STX3: variants seen among roughly 807,000 people sequenced by gnomAD.
STX3 encodes the protein syntaxin-3.
A neutral mutation model predicts 40.2 loss-of-function variants in STX3; 19 were observed. The observed-to-expected ratio is 0.47, with a 90% CI of 0.33 to 0.69. The LOEUF is 0.69. Among genes scored for constraint, STX3 ranks in the 30% least tolerant of loss-of-function variants. STX3 has a pLI of 0.02. For synonymous variants in STX3, 122 were observed against 132.2 expected, an observed-to-expected ratio of 0.92 and a Z score of 0.53; for missense variants, 364 against 366.7, an observed-to-expected ratio of 0.99 and a Z score of 0.06.
At chr11:59,795,923 A>G (rs7131059) in intron 9 of STX3, among the ~76,000 whole-genome samples, 15,791 of 152,000 alleles carry the variant, frequency 0.1, 1,143 homozygotes, top group African/African-American at 0.2. Context: ...ATCTCCCCAA[A>G]AACCCACACT....
chr11:59,795,769 TC>T lies in STX3; in HGVS notation c.786+290del, dbSNP rs1389440521. The T allele has an allele frequency of 2.1e-6, 3 of 1,446,408 alleles. No individual in the cohort carries two copies. In the African/African-American group the frequency reaches 4.2e-5, roughly 20 times the overall value. The allele number at this position is 1,446,408 out of a possible 1,614,324, so 89.6% of individuals were successfully genotyped here. A position where few individuals can be genotyped will look rare whatever the true frequency, so the allele number is the denominator to read the frequency against. ...TCAGCTGTCTTACTAGTATCTCTTC[TC>T]CCTGGCCACCCCTACCTGTGTTCTT... On this transcript the variant is annotated intron_variant, in intron 9 of 10. Transcript: ENST00000337979.
chr11:59,761,734 C>T (rs779397048), intron 1 of STX3, among the ~76,000 whole-genome samples: 7 of 152,168 alleles, frequency 4.6e-5, no homozygotes, highest in Non-Finnish European at 1.0e-4. Flanking sequence ...GAAGTTCAAC[C>T]CCCCACCTAA....
intron 1 of STX3, among the ~76,000 whole-genome samples, chr11:59,760,046 TG>T (rs2134857820): frequency 6.6e-6 from 1 of 152,296 alleles, no homozygotes; most frequent in South Asian, 2.1e-4. Flanking sequence ...ATTCATTCTC[TG>T]GAAGAGCTGT....
intron 2 of STX3, among the ~76,000 whole-genome samples, chr11:59,780,274 G>A (rs1312456609): frequency 1.3e-5 from 2 of 152,092 alleles, no homozygotes; most frequent in African/African-American, 4.8e-5. Flanking sequence ...TCATGAGGGC[G>A]AATTAGTACC....
At chr11:59,756,680 CT>C (rs1211362279) in intron 1 of STX3, among the ~76,000 whole-genome samples, 34 of 152,328 alleles carry the variant, frequency 2.2e-4, no homozygotes, top group Non-Finnish European at 3.8e-4. Flanking sequence ...TGGATTAGAA[CT>C]GGGGTTGTCT....
chr11:59,795,526 T>C lies in STX3; in HGVS notation c.786+44T>C, dbSNP rs767573150. The C allele has an allele frequency of 2.5e-6, 4 of 1,577,126 alleles. No individual in the cohort carries two copies. The South Asian group carries it at 3.5e-5, about 14-fold the overall frequency. On this transcript the variant is annotated intron_variant, in intron 9 of 10. Transcript: ENST00000337979. ...CTTCAGAGAAGAGAGTCCATTTTGT[T>C]TGCTGTGTCTCGCTCTTTCTCTTCC...
intron 1 of STX3, among the ~76,000 whole-genome samples, chr11:59,756,954 G>C (rs867080496): frequency 6.6e-6 from 1 of 152,304 alleles, no homozygotes; most frequent in Middle Eastern, 3.4e-3. Context: ...CTTCATTCCT[G>C]TTTCACCTGT....
chr11:59,757,146 T>C (rs533164637), intron 1 of STX3, among the ~76,000 whole-genome samples: 1 of 152,266 alleles, frequency 6.6e-6, no homozygotes, highest in Non-Finnish European at 1.5e-5. Context: ...ATGGGGAAAC[T>C]GCTGCTCACG....
chr11:59,801,916 A>G lies in STX3; in HGVS notation c.*1092A>G. Reference sequence around the variant, plus strand: ...ATCACTGTGGAAATGTGATCTTCCCATATCATCAAGAAACTTGTTTTCTGG... The same window carrying G: ...ATCACTGTGGAAATGTGATCTTCCCGTATCATCAAGAAACTTGTTTTCTGG... On this transcript the variant is annotated 3_prime_UTR_variant, in exon 11 of 11. Transcript: ENST00000337979. 2 of 985,496 alleles carry G rather than the reference A, an allele frequency of 2.0e-6. No individual in the cohort carries two copies. The highest frequency in any genetic ancestry group is 2.4e-6 in the Non-Finnish European group (2 of 829,930). 61.0% of individuals were successfully genotyped at this position (985,496 alleles called of 1,614,324 possible).
intron 10 of STX3, among the ~76,000 whole-genome samples, chr11:59,797,640 C>T (rs201758839): frequency 6.6e-6 from 1 of 152,286 alleles, no homozygotes; most frequent in Non-Finnish European, 1.5e-5. Context: ...TCTGTCTTGT[C>T]GTATTACCAC....
intron 1 of STX3, among the ~76,000 whole-genome samples, chr11:59,757,471 A>C (rs1042507916): frequency 8.5e-5 from 13 of 152,214 alleles, no homozygotes; most frequent in African/African-American, 2.9e-4. Flanking sequence ...AGTTCCAAGA[A>C]TAAATTTAAT....
intron 8 of STX3, among the ~76,000 whole-genome samples, chr11:59,794,113 AT>A (rs2135023608): frequency 6.6e-6 from 1 of 151,114 alleles, no homozygotes; most frequent in African/African-American, 2.4e-5. Flanking sequence ...TTTTTTTTTA[AT>A]TTTGGCACCT....
chr11:59,794,102 A>AT lies in STX3; in HGVS notation c.675+597dup, dbSNP rs200634593. Among the ~76,000 whole-genome samples, 332 of 150,648 alleles carry AT rather than the reference A, an allele frequency of 2.2e-3. 1 individual carries two copies. Among genetic ancestry groups the AT allele is most frequent in the African/African-American group, 7.6e-3 (310 of 41,038 alleles). ...TTTTTTCCATTTTTTTTCTGTTTGT[A>AT]TTTTTTTTTAATTTTGGCACCTTTT... On this transcript the variant is annotated intron_variant, in intron 8 of 10. Coordinates refer to ENST00000337979, the MANE Select transcript of STX3 (RefSeq NM_004177.5).
rs1052130827 is a variant in STX3 at position 59,774,815 on chromosome 11, C to T, written c.114+1521C>T. ...CACTGCACTCCAGCCTGGGTGACAGCGGTAGACTCCGTCTCAAAAACAAAC... is the reference window on the plus strand; with the variant it reads ...CACTGCACTCCAGCCTGGGTGACAGTGGTAGACTCCGTCTCAAAAACAAAC... On this transcript the variant is annotated intron_variant, in intron 2 of 10. Coordinates refer to ENST00000337979, the MANE Select transcript of STX3 (RefSeq NM_004177.5). Among the ~76,000 whole-genome samples the T allele has an allele frequency of 5.3e-5, 8 of 151,874 alleles. No homozygotes were observed. The South Asian group carries it at 6.2e-4, about 12-fold the overall frequency.
chr11:59,781,467 G>C, intron 2 of STX3: 13 of 1,613,452 alleles, frequency 8.1e-6, no homozygotes, highest in Non-Finnish European at 1.1e-5. Flanking sequence ...GTTGCAGACA[G>C]TCTGAGTTTT....
At chr11:59,768,328 T>C (rs1377979220) in intron 1 of STX3, among the ~76,000 whole-genome samples, 1 of 152,228 alleles carries the variant, frequency 6.6e-6, no homozygotes, top group Non-Finnish European at 1.5e-5. Flanking sequence ...TACGAGATAC[T>C]ATCCCTGACT....
intron 10 of STX3, 178 bp from the exon 11 acceptor site, chr11:59,800,677 A>C (rs914866794): frequency 1.2e-4 from 119 of 985,194 alleles, no homozygotes; most frequent in Non-Finnish European, 1.4e-4. Context: ...CTCTCACAGT[A>C]GGGCTTTTTG....
intron 1 of STX3, 102 bp downstream of exon 1, chr11:59,755,737 A>G: frequency 7.1e-7 from 1 of 1,399,292 alleles, no homozygotes; most frequent in Non-Finnish European, 9.4e-7. Flanking sequence ...CCCGAGCCGG[A>G]GGCTTGCCCT....
chr11:59,782,474 G>A (rs1864455227), intron 2 of STX3, among the ~76,000 whole-genome samples: 1 of 151,982 alleles, frequency 6.6e-6, no homozygotes, highest in African/African-American at 2.4e-5. Context: ...TTAAACATTT[G>A]GCATGTATTG....
Sources: allele counts gnomAD v4.1 joint callset (sites outside exome capture counted in the v4.1 genomes callset), GRCh38; gene constraint gnomAD v4.1.1; transcripts MANE v1.5; gene names NCBI Gene and HGNC (gene_info 2026-07-23, HGNC 2026-07-21).